The following TAOK1 variants were observed in gnomAD, a reference collection of about 807,000 sequenced individuals.
TAOK1 encodes serine/threonine-protein kinase TAO1.
TAOK1 carries 21 observed loss-of-function variants against 138.3 expected under a neutral mutation model. The observed-to-expected ratio is 0.15, with a 90% CI of 0.11 to 0.22. The LOEUF (loss-of-function observed/expected upper bound fraction) is 0.22. Among genes scored for constraint, TAOK1 ranks in the 10% least tolerant of loss-of-function variants. The pLI is 1.00. For synonymous variants in TAOK1, 361 were observed against 398.4 expected, an observed-to-expected ratio of 0.91 and a Z score of 1.12; for missense variants, 651 against 1,227.7, an observed-to-expected ratio of 0.53 and a Z score of 7.02.
intron 1 of TAOK1, among the ~76,000 whole-genome samples, chr17:29,422,917 C>G (rs1385245365): frequency 3.3e-5 from 5 of 152,076 alleles, no homozygotes; most frequent in African/African-American, 1.2e-4. Flanking sequence ...CCTAGCTACT[C>G]AGGAGGCTGA....
At chr17:29,462,642 C>T (rs1461363935) in intron 2 of TAOK1, among the ~76,000 whole-genome samples, 1 of 152,122 alleles carries the variant, frequency 6.6e-6, no homozygotes. Context: ...TCAGTGATTA[C>T]AGTAAATTGT....
chr17:29,392,785 A>AT (rs1398692095), intron 1 of TAOK1, among the ~76,000 whole-genome samples: 1 of 152,170 alleles, frequency 6.6e-6, no homozygotes, highest in African/African-American at 2.4e-5. Context: ...TTAGTGACTT[A>AT]TTTTTAAATA....
chr17:29,457,555 A>G (rs1262682088), intron 2 of TAOK1, among the ~76,000 whole-genome samples: 1 of 143,892 alleles, frequency 6.9e-6, no homozygotes, highest in African/African-American at 2.6e-5. Flanking sequence ...ACAGGTGCGC[A>G]CCACCATGCC....
intron 11 of TAOK1, among the ~76,000 whole-genome samples, chr17:29,496,405 A>G (rs2031414534): frequency 6.6e-6 from 1 of 152,072 alleles, no homozygotes; most frequent in Non-Finnish European, 1.5e-5. Flanking sequence ...GGCATGGGCC[A>G]CTGTGCCCAG....
intron 1 of TAOK1, among the ~76,000 whole-genome samples, chr17:29,415,022 G>A (rs1022550822): frequency 3.3e-5 from 5 of 150,382 alleles, no homozygotes; most frequent in African/African-American, 1.2e-4. Flanking sequence ...GGAGTGCAGT[G>A]GCGCAATCTT....
At chr17:29,499,282 G>C (rs1195075584) in intron 12 of TAOK1, among the ~76,000 whole-genome samples, 2 of 144,684 alleles carry the variant, frequency 1.4e-5, no homozygotes, top group African/African-American at 5.1e-5. Flanking sequence ...CCAGGCTGGA[G>C]TGCAGTGGCC....
chr17:29,501,991 GT>G (rs2031539353), intron 12 of TAOK1, among the ~76,000 whole-genome samples: 1 of 152,186 alleles, frequency 6.6e-6, no homozygotes, highest in Non-Finnish European at 1.5e-5. Flanking sequence ...GAGCCATTGA[GT>G]GTTTACCACT....
chr17:29,443,839 G>C (rs1315785389), intron 1 of TAOK1, among the ~76,000 whole-genome samples: 1 of 152,122 alleles, frequency 6.6e-6, no homozygotes, highest in Non-Finnish European at 1.5e-5. Flanking sequence ...ATCTAGGCTG[G>C]GCATGGTGGC....
At chr17:29,501,316 G>A (rs2031524860) in intron 12 of TAOK1, among the ~76,000 whole-genome samples, 1 of 151,676 alleles carries the variant, frequency 6.6e-6, no homozygotes, top group South Asian at 2.1e-4. Context: ...AGTAGTGGAG[G>A]CACACTGAGT....
intron 18 of TAOK1, among the ~76,000 whole-genome samples, chr17:29,531,984 C>A (rs935996608): frequency 2.6e-5 from 4 of 151,860 alleles, no homozygotes; most frequent in African/African-American, 9.7e-5. Context: ...CCTCAGCCTC[C>A]CGAATAGCTG....
At chr17:29,396,177 T>C (rs1904594532) in intron 1 of TAOK1, among the ~76,000 whole-genome samples, 1 of 152,162 alleles carries the variant, frequency 6.6e-6, no homozygotes, top group South Asian at 2.1e-4. Flanking sequence ...GTGGAGGGAC[T>C]AGCAGCAATT....
rs58767952 is a variant in TAOK1, at chr17:29,397,626, A to ACATGTATACATG, written c.-95+6602_-95+6603insCATGTATACATG. Among the ~76,000 whole-genome samples, 221 of 107,406 alleles carry ACATGTATACATG rather than the reference A, an allele frequency of 2.1e-3. 5 individuals are homozygous for ACATGTATACATG. Among genetic ancestry groups the ACATGTATACATG allele is most frequent in the African/African-American group, 2.5e-3 (58 of 23,048 alleles). 70.5% of individuals were successfully genotyped at this position (107,406 alleles called of 152,430 possible). ...CCCCCCCAAAAAAATATATATATAT[A>ACATGTATACATG]TATACATGTATACATGTATATATGT... is the stretch of plus-strand genomic sequence containing the variant. On this transcript the variant is annotated intron_variant, in intron 1 of 19. Transcript: ENST00000261716.
chr17:29,466,639 CTT>C (rs1457375422), intron 2 of TAOK1, among the ~76,000 whole-genome samples: 4 of 152,050 alleles, frequency 2.6e-5, no homozygotes, highest in Admixed American at 1.3e-4. Context: ...CTATTTTTCT[CTT>C]ATATATTCTG....
chr17:29,534,071 A>G (rs1204133192), intron 18 of TAOK1, 47 bp from the exon 19 acceptor site: 1 of 1,504,982 alleles, frequency 6.6e-7, no homozygotes, highest in Non-Finnish European at 8.9e-7. Flanking sequence ...ATTGATAGCT[A>G]ACATTAGGAT....
At chr17:29,525,101 TTTTTGTTTTG>T (rs577019923) in intron 17 of TAOK1, among the ~76,000 whole-genome samples, 9 of 151,908 alleles carry the variant, frequency 5.9e-5, no homozygotes, top group South Asian at 2.1e-4. Context: ...ATGTTTGTTT[TTTTTGTTTTG>T]TTTTGTTTTG....
chr17:29,465,980 T>C (rs2030658675), intron 2 of TAOK1, among the ~76,000 whole-genome samples: 1 of 151,990 alleles, frequency 6.6e-6, no homozygotes, highest in Non-Finnish European at 1.5e-5. Flanking sequence ...ATTACCTTGC[T>C]AATTTTGTTT....
intron 1 of TAOK1, among the ~76,000 whole-genome samples, chr17:29,439,828 C>T (rs1906157245): frequency 7.0e-6 from 1 of 143,728 alleles, no homozygotes; most frequent in African/African-American, 2.6e-5. Flanking sequence ...AGTTTGAATC[C>T]AGCCAGGGCA....
In TAOK1 at chr17:29,465,837, C is replaced by CTTTTT. The variant is rs3058623; in HGVS notation, c.133-1285_133-1281dup. 2.0e-4 allele frequency among the ~76,000 whole-genome samples: 9 copies of CTTTTT among 45,442 alleles called. 1 individual carries two copies. Among genetic ancestry groups the CTTTTT allele is most frequent in the East Asian group, 2.1e-3 (2 of 946 alleles). 29.8% of individuals were successfully genotyped at this position (45,442 alleles called of 152,430 possible). A position where few individuals can be genotyped will look rare whatever the true frequency, so the allele number is the denominator to read the frequency against. On this transcript the variant is annotated intron_variant, in intron 2 of 19. Transcript: ENST00000261716. ...AAGAGTTAACTGTCAAGTTTCTGTGCTTTTTTTTTTTTTTTTTTTTTTTTT... is the reference window on the plus strand; with the variant it reads ...AAGAGTTAACTGTCAAGTTTCTGTGCTTTTTTTTTTTTTTTTTTTTTTTTTTTTTT...
chr17:29,485,009 G>A (rs2031140319), intron 8 of TAOK1, among the ~76,000 whole-genome samples: 1 of 152,086 alleles, frequency 6.6e-6, no homozygotes, highest in Admixed American at 6.6e-5. Context: ...TACAGTATAG[G>A]TAATAGAAAA....
Sources: allele counts gnomAD v4.1 joint callset (sites outside exome capture counted in the v4.1 genomes callset), GRCh38; gene constraint gnomAD v4.1.1; transcripts MANE v1.5; gene names NCBI Gene and HGNC (gene_info 2026-07-23, HGNC 2026-07-21).